The following CDH4 variants were observed in gnomAD, a reference collection of about 807,000 sequenced individuals.
CDH4 encodes the protein cadherin-4.
Under a neutral mutation model 86.0 loss-of-function variants are expected in CDH4, and 33 were observed. The observed-to-expected ratio is 0.38, with a 90% CI of 0.29 to 0.51. The LOEUF is 0.51. Ranked by LOEUF, CDH4 falls within the 20% of genes least tolerant of loss-of-function variation. CDH4 has a pLI of 0.86. For missense variants in CDH4, 1,114 were observed against 1,307.4 expected (o/e 0.85, Z 2.28); for synonymous variants, 555 against 549.4 (o/e 1.01, Z -0.14).
At chr20:61,837,201 C>T (rs1165931181) in intron 4 of CDH4, among the ~76,000 whole-genome samples, 4 of 152,096 alleles carry the variant, frequency 2.6e-5, no homozygotes, top group Admixed American at 2.0e-4. Flanking sequence ...TCAAAAAAAA[C>T]GGGGTTTCAC....
intron 2 of CDH4, among the ~76,000 whole-genome samples, chr20:61,357,857 C>A (rs755473467): frequency 8.0e-4 from 122 of 152,326 alleles, no homozygotes; most frequent in Middle Eastern, 3.4e-3. Context: ...CTATGATCCC[C>A]AAGGGCAGGA....
At chr20:61,745,577 A>ACCTGTGAGT (rs1568792136) in intron 3 of CDH4, among the ~76,000 whole-genome samples, 1 of 151,960 alleles carries the variant, frequency 6.6e-6, no homozygotes, top group East Asian at 1.9e-4. Flanking sequence ...CATGAGCCCC[A>ACCTGTGAGT]CCTGTGAGTC....
intron 2 of CDH4, among the ~76,000 whole-genome samples, chr20:61,652,849 A>T (rs1368166255): frequency 1.9e-4 from 3 of 15,840 alleles, no homozygotes; most frequent in Non-Finnish European, 5.1e-4. Flanking sequence ...AAAATCAAGA[A>T]TTTTTTTTTG....
intron 2 of CDH4, among the ~76,000 whole-genome samples, chr20:61,650,409 A>G (rs1413805155): frequency 6.6e-6 from 1 of 152,240 alleles, no homozygotes; most frequent in Non-Finnish European, 1.5e-5. Flanking sequence ...TGTCTTCTCT[A>G]ATGGGCTGTA....
intron 2 of CDH4, among the ~76,000 whole-genome samples, chr20:61,442,333 A>G (rs1452124146): frequency 6.6e-6 from 1 of 152,076 alleles, no homozygotes; most frequent in Non-Finnish European, 1.5e-5. Flanking sequence ...CCCTCCGAAT[A>G]CTCCACTTGC....
At chr20:61,522,590 A>T (rs1290919975) in intron 2 of CDH4, among the ~76,000 whole-genome samples, 1 of 152,236 alleles carries the variant, frequency 6.6e-6, no homozygotes, top group African/African-American at 2.4e-5. Flanking sequence ...AGTAAAAGGT[A>T]ATTTGTTTTT....
At chr20:61,849,669 G>A (rs1193943561) in intron 5 of CDH4, among the ~76,000 whole-genome samples, 2 of 152,078 alleles carry the variant, frequency 1.3e-5, no homozygotes, top group Admixed American at 6.5e-5. Context: ...CTGGCTATTC[G>A]GGGGGCCACA....
intron 3 of CDH4, among the ~76,000 whole-genome samples, chr20:61,772,227 C>T (rs2088783192): frequency 6.6e-6 from 1 of 152,194 alleles, no homozygotes; most frequent in African/African-American, 2.4e-5. Context: ...TTTGTACATA[C>T]ACACAGGTGG....
chr20:61,660,552 C>G (rs2087241812), intron 2 of CDH4, among the ~76,000 whole-genome samples: 2 of 152,108 alleles, frequency 1.3e-5, no homozygotes, highest in Admixed American at 1.3e-4. Flanking sequence ...GTGGGTGCGC[C>G]TGACTGTTTG....
chr20:61,632,754 A>C (rs2086903175), intron 2 of CDH4, among the ~76,000 whole-genome samples: 1 of 144,464 alleles, frequency 6.9e-6, no homozygotes, highest in African/African-American at 2.6e-5. Flanking sequence ...CCCTTCACCC[A>C]TCCATCCCTC....
rs1224694464 is a variant in CDH4, at chr20:61,852,989, C to T, written c.877+91C>T. ...GGGCAGGGGAGGGCTGCTTAGTCCCCGCTACCAGGATGGTGCCACGGGACT... is the reference window on the plus strand; with the variant it reads ...GGGCAGGGGAGGGCTGCTTAGTCCCTGCTACCAGGATGGTGCCACGGGACT... On this transcript the variant is annotated intron_variant, in intron 6 of 15. Coordinates refer to ENST00000614565, the MANE Select transcript of CDH4 (RefSeq NM_001794.5). 9 of 1,365,096 alleles carry T rather than the reference C, an allele frequency of 6.6e-6. No homozygotes were observed. The East Asian group carries it at 7.4e-5, about 11-fold the overall frequency. The allele number at this position is 1,365,096 out of a possible 1,614,324, so 84.6% of individuals were successfully genotyped here. A position where few individuals can be genotyped will look rare whatever the true frequency, so the allele number is the denominator to read the frequency against.
intron 2 of CDH4, among the ~76,000 whole-genome samples, chr20:61,388,554 G>T (rs920081318): frequency 6.6e-6 from 1 of 152,122 alleles, no homozygotes; most frequent in Non-Finnish European, 1.5e-5. Flanking sequence ...CCCCTCATAG[G>T]CTCCACTGGC....
intron 4 of CDH4, among the ~76,000 whole-genome samples, chr20:61,830,297 C>T (rs1240685542): frequency 1.3e-5 from 2 of 152,284 alleles, no homozygotes; most frequent in East Asian, 1.9e-4. Flanking sequence ...CAGCGTCCTG[C>T]GTGGAACATA....
At chr20:61,547,050 C>T (rs1233196016) in intron 2 of CDH4, among the ~76,000 whole-genome samples, 2 of 151,906 alleles carry the variant, frequency 1.3e-5, no homozygotes, top group African/African-American at 4.8e-5. Flanking sequence ...CTGCCTCCCT[C>T]CCTTCTATAT....
Position 61,938,216 on chromosome 20 carries a change from TGCTGTCCTCGAG to T in CDH4, c.*1278_*1289del, listed in dbSNP as rs1292778608. ...AGGCAGCGGCCGGGTCCAAACTTGC[TGCTGTCCTCGAG>T]GCTGGCACTGCTATCTCCAGGGCTG... On this transcript the variant is annotated 3_prime_UTR_variant, in exon 16 of 16. Coordinates refer to ENST00000614565, the MANE Select transcript of CDH4 (RefSeq NM_001794.5). 1.3e-5 allele frequency: 2 copies of T among 152,434 alleles called. No homozygotes were observed. The highest frequency in any genetic ancestry group is 6.5e-5 in the Admixed American group (1 of 15,290). 9.4% of individuals were successfully genotyped at this position (152,434 alleles called of 1,614,324 possible). A position where few individuals can be genotyped will look rare whatever the true frequency, so the allele number is the denominator to read the frequency against.
intron 2 of CDH4, among the ~76,000 whole-genome samples, chr20:61,560,494 C>A (rs1389547167): frequency 6.6e-6 from 1 of 152,216 alleles, no homozygotes. Flanking sequence ...CTTCCAGATG[C>A]CAAAGCCACG....
chr20:61,391,918 G>A (rs1166921815), intron 2 of CDH4, among the ~76,000 whole-genome samples: 7 of 151,936 alleles, frequency 4.6e-5, no homozygotes, highest in Admixed American at 2.0e-4. Context: ...TTTTCTGCCA[G>A]GTACACTTCC....
At chr20:61,302,715 G>A (rs1395760005) in intron 2 of CDH4, among the ~76,000 whole-genome samples, 2 of 152,182 alleles carry the variant, frequency 1.3e-5, no homozygotes, top group African/African-American at 4.8e-5. Flanking sequence ...AGGTAGAACA[G>A]GGACCCCCAA....
At chr20:61,916,190 G>T (rs2054901929) in intron 9 of CDH4, among the ~76,000 whole-genome samples, 1 of 151,586 alleles carries the variant, frequency 6.6e-6, no homozygotes, top group Non-Finnish European at 1.5e-5. Context: ...GGGTGGAGGG[G>T]AGGGGTTGGG....
Sources: allele counts gnomAD v4.1 joint callset (sites outside exome capture counted in the v4.1 genomes callset), GRCh38; gene constraint gnomAD v4.1.1; transcripts MANE v1.5; gene names NCBI Gene and HGNC (gene_info 2026-07-23, HGNC 2026-07-21).